Variants in SIRPA observed in about 807,000 individuals in gnomAD.
The protein encoded by SIRPA is tyrosine-protein phosphatase non-receptor type substrate 1.
A neutral mutation model predicts 50.3 loss-of-function variants in SIRPA; 9 were observed. The ratio of observed to expected loss-of-function variants is 0.18; its 90% CI spans 0.11 to 0.31. The LOEUF (loss-of-function observed/expected upper bound fraction) is 0.31. Ranked by LOEUF, SIRPA falls within the 10% of genes least tolerant of loss-of-function variation. The pLI is 1.00. For synonymous variants in SIRPA, 265 were observed against 284.1 expected (o/e 0.93, Z 0.68); for missense variants, 474 against 661.6 (o/e 0.72, Z 3.11).
intron 1 of SIRPA, among the ~76,000 whole-genome samples, chr20:1,901,429 C>G (rs1426443890): frequency 6.6e-6 from 1 of 152,116 alleles, no homozygotes; most frequent in Non-Finnish European, 1.5e-5. Flanking sequence ...CCTCGGCCTC[C>G]CAAAGTGCTG....
chr20:1,908,767 T>C (rs1325953020), intron 1 of SIRPA, among the ~76,000 whole-genome samples: 1 of 152,226 alleles, frequency 6.6e-6, no homozygotes, highest in Non-Finnish European at 1.5e-5. Flanking sequence ...TAATGTACAC[T>C]CATGTTCACG....
In SIRPA at chr20:1,938,093, A is replaced by G. The variant is rs1986702692; in HGVS notation, c.*525A>G. On this transcript the variant is annotated 3_prime_UTR_variant, in exon 8 of 8. Coordinates refer to ENST00000358771, the MANE Select transcript of SIRPA (RefSeq NM_001040023.2). ...TGCCCCTTCCATGGAAAAGCTGGAAAAAAACTCTGGAACCCATATCCAGGC... is the reference window on the plus strand; with the variant it reads ...TGCCCCTTCCATGGAAAAGCTGGAAGAAAACTCTGGAACCCATATCCAGGC... The G allele has an allele frequency of 6.4e-6, 1 of 157,360 alleles. No individual in the cohort carries two copies. Among genetic ancestry groups the G allele is most frequent in the Non-Finnish European group, 1.4e-5 (1 of 71,022 alleles). 9.7% of individuals were successfully genotyped at this position (157,360 alleles called of 1,614,324 possible). A position where few individuals can be genotyped will look rare whatever the true frequency, so the allele number is the denominator to read the frequency against.
At chr20:1,912,950 A>G (rs1417371256) in intron 1 of SIRPA, among the ~76,000 whole-genome samples, 2 of 152,276 alleles carry the variant, frequency 1.3e-5, no homozygotes, top group East Asian at 3.9e-4. Flanking sequence ...CGGGCCTCCC[A>G]CACATTTGGC....
chr20:1,916,505 G>A (rs1453402989), intron 2 of SIRPA, among the ~76,000 whole-genome samples: 1 of 152,178 alleles, frequency 6.6e-6, no homozygotes, highest in Non-Finnish European at 1.5e-5. Context: ...GAACAGAACT[G>A]CTAAGCAGGA....
chr20:1,903,956 G>A (rs1984390299), intron 1 of SIRPA, among the ~76,000 whole-genome samples: 1 of 152,098 alleles, frequency 6.6e-6, no homozygotes, highest in African/African-American at 2.4e-5. Context: ...ACTCACTGTT[G>A]GGCCTCCCAG....
intron 1 of SIRPA, among the ~76,000 whole-genome samples, chr20:1,900,834 C>T (rs1465706651): frequency 6.6e-6 from 1 of 152,246 alleles, no homozygotes; most frequent in East Asian, 1.9e-4. Context: ...TTCTCTGCTT[C>T]CTGGGCTCAG....
At chr20:1,904,841 C>T (rs1437819562) in intron 1 of SIRPA, among the ~76,000 whole-genome samples, 1 of 152,078 alleles carries the variant, frequency 6.6e-6, no homozygotes, top group Non-Finnish European at 1.5e-5. Flanking sequence ...CCTCCTGGCC[C>T]TTTGTCCTGA....
intron 2 of SIRPA, among the ~76,000 whole-genome samples, chr20:1,919,652 C>A (rs1344865792): frequency 3.3e-5 from 5 of 152,192 alleles, no homozygotes; most frequent in Admixed American, 3.3e-4. Flanking sequence ...AGAACCCTCC[C>A]TGCCTCGACA....
chr20:1,923,805 C>T (rs557031788), intron 4 of SIRPA, among the ~76,000 whole-genome samples: 2 of 152,340 alleles, frequency 1.3e-5, no homozygotes, highest in Admixed American at 1.3e-4. Flanking sequence ...TCTGGGCCTC[C>T]ACTTGCTTCT....
At chr20:1,935,710 CCT>C (rs1438070881) in intron 7 of SIRPA, among the ~76,000 whole-genome samples, 2 of 152,240 alleles carry the variant, frequency 1.3e-5, no homozygotes, top group Non-Finnish European at 2.9e-5. Context: ...GTCATGGAAA[CCT>C]CTACGAAATT....
chr20:1,915,075 T>A, intron 1 of SIRPA, 24 bp from the exon 2 acceptor site: 1 of 1,556,042 alleles, frequency 6.4e-7, no homozygotes, highest in South Asian at 1.2e-5. Context: ...GATGAAAAAA[T>A]GACTGCTTTG....
intron 6 of SIRPA, among the ~76,000 whole-genome samples, chr20:1,931,419 AC>A (rs141654671): frequency 0.26 from 39,466 of 152,016 alleles, 5,493 homozygotes; most frequent in South Asian, 0.43. Flanking sequence ...TGCCTTCATC[AC>A]TGTTCCCATG....
At position 1,928,623 on chromosome 20, in the gene SIRPA, T is replaced by A. The variant is rs1414721196; in HGVS notation, c.1226+724T>A. Among the ~76,000 whole-genome samples, 1 of 151,930 alleles carries A rather than the reference T, an allele frequency of 6.6e-6. No individual in the cohort carries two copies. Among genetic ancestry groups the A allele is most frequent in the Non-Finnish European group, 1.5e-5 (1 of 67,980 alleles). On this transcript the variant is annotated intron_variant, in intron 6 of 7. Coordinates refer to ENST00000358771, the MANE Select transcript of SIRPA (RefSeq NM_001040023.2). The surrounding 1 kb of genome is among the most constrained non-coding windows in gnomAD (Gnocchi z 4.9). ...TGACAACTCCTACCCTGCAAGGAGA[T>A]GGAGGTGAATGGTGGGGGGCTGTCT...
Position 1,940,027 on chromosome 20 carries a change from G to A in SIRPA, c.*2459G>A, listed in dbSNP as rs1349275739. The stretch of plus-strand genomic sequence containing the variant: ...GGTTTGGAAACAACCTACAGCATTT[G>A]AGCCCCTCACGTAGGTTTTAGAGAC... On this transcript the variant is annotated 3_prime_UTR_variant, in exon 8 of 8. Coordinates refer to ENST00000358771, the MANE Select transcript of SIRPA (RefSeq NM_001040023.2). The A allele has an allele frequency of 6.6e-6, 1 of 152,260 alleles. No homozygotes were observed. The highest frequency in any genetic ancestry group is 1.5e-5 in the Non-Finnish European group (1 of 68,046). 9.4% of individuals were successfully genotyped at this position (152,260 alleles called of 1,614,324 possible).
chr20:1,937,639 G>A lies in SIRPA; in HGVS notation c.*71G>A. 1 of 1,567,404 alleles carries A rather than the reference G, an allele frequency of 6.4e-7. No individual in the cohort carries two copies. The highest frequency in any genetic ancestry group is 1.2e-5 in the South Asian group (1 of 85,266). On this transcript the variant is annotated 3_prime_UTR_variant, in exon 8 of 8. Coordinates refer to ENST00000358771, the MANE Select transcript of SIRPA (RefSeq NM_001040023.2). The surrounding 1 kb of genome is among the most constrained non-coding windows in gnomAD (Gnocchi z 8.3). The stretch of plus-strand genomic sequence containing the variant: ...GTCCCACAGGGAGCCGCCGTGATGA[G>A]CACAGCCAACCCAGTTCCCGGAGGG...
rs1986601980 is a variant in SIRPA, at chr20:1,936,814, C to CG, written c.1267-503dup. 6.6e-6 allele frequency among the ~76,000 whole-genome samples: 1 copy of CG among 152,096 alleles called. No homozygotes were observed. Among genetic ancestry groups the CG allele is most frequent in the South Asian group, 2.1e-4 (1 of 4,820 alleles). ...CCCAAACAGACATGGTCCTGGGTAG[C>CG]GGGCCCTGTGATGGAAAACAAACAT... On this transcript the variant is annotated intron_variant, in intron 7 of 7. Coordinates refer to ENST00000358771, the MANE Select transcript of SIRPA (RefSeq NM_001040023.2). The surrounding 1 kb of genome is among the most constrained non-coding windows in gnomAD (Gnocchi z 4.2).
Position 1,934,788 on chromosome 20 carries a change from A to G in SIRPA, c.1266+34A>G. The stretch of plus-strand genomic sequence containing the variant: ...CTTGGTGAGATGCCCTTCCTGGGAA[A>G]CTCCGTGGCGTGGTTGCTTCACATC... On this transcript the variant is annotated intron_variant, in intron 7 of 7. Transcript: ENST00000358771. This position sits in a 1 kb window ranked among gnomAD's most constrained non-coding sequence, Gnocchi z 4.6. 1 of 1,612,436 alleles carries G rather than the reference A, an allele frequency of 6.2e-7. No homozygotes were observed. The highest frequency in any genetic ancestry group is 8.5e-7 in the Non-Finnish European group (1 of 1,178,896).
intron 2 of SIRPA, among the ~76,000 whole-genome samples, chr20:1,917,751 A>G (rs1985388728): frequency 6.6e-6 from 1 of 152,092 alleles, no homozygotes; most frequent in Non-Finnish European, 1.5e-5. Flanking sequence ...GGATGAGGAG[A>G]TGAGGCATTT....
rs1004945735 is a variant in SIRPA, at chr20:1,937,094, G to A, written c.1267-226G>A. On this transcript the variant is annotated intron_variant, in intron 7 of 7. Transcript: ENST00000358771. The surrounding 1 kb of genome is among the most constrained non-coding windows in gnomAD (Gnocchi z 8.3). ...GGCTGTGAGGAGACTGCACTGTGCG[G>A]GTCAGAAAGACCCTTCAGGCAGGGT... is the stretch of plus-strand genomic sequence containing the variant. 6.6e-6 allele frequency among the ~76,000 whole-genome samples: 1 copy of A among 152,130 alleles called. No homozygotes were observed. The highest frequency in any genetic ancestry group is 1.5e-5 in the Non-Finnish European group (1 of 68,034).
Sources: gnomAD v4.1 joint callset for allele counts (sites outside exome capture counted in the v4.1 genomes callset) on GRCh38, gnomAD v4.1.1 for gene constraint, Gnocchi (gnomAD v3.1) non-coding constraint, MANE v1.5 for transcripts, NCBI Gene and HGNC (gene_info 2026-07-23, HGNC 2026-07-21) for gene names.